PPP1R9A: variants seen among roughly 807,000 people sequenced by gnomAD.
The protein encoded by PPP1R9A is neurabin-1.
A neutral mutation model predicts 141.9 loss-of-function variants in PPP1R9A; 59 were observed. The ratio of observed to expected loss-of-function variants is 0.42; its 90% CI spans 0.34 to 0.52. The LOEUF (loss-of-function observed/expected upper bound fraction) is 0.52. PPP1R9A is among the 20% of genes least tolerant of loss of function. The probability of loss-of-function intolerance (pLI) is 0.10; values close to 1 mark genes in which losing one functional copy is unlikely to be tolerated. For missense variants in PPP1R9A, 1,444 were observed against 1,611.9 expected, an observed-to-expected ratio of 0.90 and a Z score of 1.78; for synonymous variants, 500 against 569.7, an observed-to-expected ratio of 0.88 and a Z score of 1.74.
At chr7:95,260,716 A>G (rs1232113337) in intron 12 of PPP1R9A, among the ~76,000 whole-genome samples, 1 of 151,644 alleles carries the variant, frequency 6.6e-6, no homozygotes, top group South Asian at 2.1e-4. Flanking sequence ...AGGAAACACA[A>G]TGTTACTTTG....
At chr7:95,285,549 C>T (rs898530686) in intron 17 of PPP1R9A, among the ~76,000 whole-genome samples, 1 of 152,186 alleles carries the variant, frequency 6.6e-6, no homozygotes, top group Non-Finnish European at 1.5e-5. Context: ...TTTACACGCT[C>T]CCACCTCCCC....
intron 3 of PPP1R9A, among the ~76,000 whole-genome samples, chr7:95,119,303 A>G (rs1822096422): frequency 6.6e-6 from 1 of 152,218 alleles, no homozygotes; most frequent in Admixed American, 6.5e-5. Flanking sequence ...ATTAAAAAAA[A>G]AAGTCACACA....
chr7:94,971,312 T>C (rs1317181944), intron 2 of PPP1R9A, among the ~76,000 whole-genome samples: 1 of 152,156 alleles, frequency 6.6e-6, no homozygotes, highest in Non-Finnish European at 1.5e-5. Context: ...AATGGGCAAA[T>C]GGCATTTTAT....
rs545669472 is a variant in PPP1R9A, at chr7:95,088,285, A to G, written c.1396-22974A>G. Among the ~76,000 whole-genome samples the G allele has an allele frequency of 5.9e-5, 9 of 152,164 alleles. No homozygotes were observed. The South Asian group carries it at 1.9e-3, about 32-fold the overall frequency. On this transcript the variant is annotated intron_variant, in intron 2 of 19. Transcript: ENST00000433360. ...CCTGGGAGAAGAGGAAAGAAACTCA[A>G]GCTTTTAAAGAAGGTGGAATATATT...
At chr7:95,245,394 T>G (rs1379805350) in intron 8 of PPP1R9A, among the ~76,000 whole-genome samples, 1 of 152,092 alleles carries the variant, frequency 6.6e-6, no homozygotes. Flanking sequence ...CAGGTTTTAG[T>G]TCTGGTTTTA....
At position 95,225,948 on chromosome 7, in the gene PPP1R9A, C is replaced by A. The variant is rs2152953316; in HGVS notation, c.1957-13C>A. 6.3e-7 allele frequency: 1 copy of A among 1,588,288 alleles called. No individual in the cohort carries two copies. Among genetic ancestry groups the A allele is most frequent in the African/African-American group, 1.3e-5 (1 of 74,598 alleles). ...TAAGGACAGCTGGATTTCTGAAATC[C>A]CCTTCCTTTCAGACAGGAGAATATG... On this transcript the variant is annotated splice_polypyrimidine_tract_variant and intron_variant, in intron 7 of 19. Transcript: ENST00000433360.
chr7:95,159,434 C>T (rs1183876173), intron 4 of PPP1R9A, among the ~76,000 whole-genome samples: 6 of 152,068 alleles, frequency 3.9e-5, no homozygotes, highest in African/African-American at 1.4e-4. Flanking sequence ...TAGTATTATA[C>T]TTCAAGTTCT....
chr7:95,029,856 G>A (rs561205608), intron 2 of PPP1R9A, among the ~76,000 whole-genome samples: 3 of 152,068 alleles, frequency 2.0e-5, no homozygotes, highest in Non-Finnish European at 4.4e-5. Flanking sequence ...ATACATTGCC[G>A]TTTTAGTTGG....
intron 2 of PPP1R9A, among the ~76,000 whole-genome samples, chr7:95,054,235 C>T (rs1387161694): frequency 6.6e-6 from 1 of 151,324 alleles, no homozygotes; most frequent in Non-Finnish European, 1.5e-5. Context: ...CCTGCCTTGG[C>T]CTCCCGAGTA....
At chr7:95,071,748 G>T (rs10241997) in intron 2 of PPP1R9A, among the ~76,000 whole-genome samples, 10,147 of 151,788 alleles carry the variant, frequency 0.067, 428 homozygotes, top group African/African-American at 0.12. Flanking sequence ...ATACATTAAG[G>T]TAATTATTTT....
chr7:95,003,219 A>T (rs573235201), intron 2 of PPP1R9A, among the ~76,000 whole-genome samples: 1 of 152,124 alleles, frequency 6.6e-6, no homozygotes, highest in Non-Finnish European at 1.5e-5. Flanking sequence ...TCCTGTTTTC[A>T]GTCATCAGAT....
chr7:95,113,992 A>G (rs776922229), intron 3 of PPP1R9A, among the ~76,000 whole-genome samples: 16 of 152,228 alleles, frequency 1.1e-4, no homozygotes, highest in Admixed American at 2.0e-4. Context: ...ATTAAAGAGT[A>G]ATGCTTACAT....
chr7:95,193,690 C>T (rs7796376), intron 5 of PPP1R9A, among the ~76,000 whole-genome samples: 1 of 151,866 alleles, frequency 6.6e-6, no homozygotes, highest in South Asian at 2.1e-4. Flanking sequence ...TATTATATAA[C>T]CTGTTATAAT....
chr7:95,240,576 G>C (rs945324565), intron 8 of PPP1R9A, among the ~76,000 whole-genome samples: 10 of 150,342 alleles, frequency 6.7e-5, no homozygotes, highest in Middle Eastern at 3.7e-3. Context: ...TTTTTTATTG[G>C]GTAAAATATA....
At chr7:95,167,601 T>C (rs1831458448) in intron 5 of PPP1R9A, among the ~76,000 whole-genome samples, 1 of 152,052 alleles carries the variant, frequency 6.6e-6, no homozygotes, top group African/African-American at 2.4e-5. Flanking sequence ...AAAGAGAATG[T>C]CAAACGGTCC....
chr7:95,195,130 TA>T (rs1836052115), intron 5 of PPP1R9A, among the ~76,000 whole-genome samples: 6 of 152,080 alleles, frequency 3.9e-5, no homozygotes, highest in Non-Finnish European at 7.4e-5. Context: ...ACTCCACCCT[TA>T]CCACACATCA....
At chr7:95,195,501 C>T (rs1424938539) in intron 5 of PPP1R9A, among the ~76,000 whole-genome samples, 1 of 149,174 alleles carries the variant, frequency 6.7e-6, no homozygotes, top group African/African-American at 2.5e-5. Context: ...TGATCTTGAA[C>T]TCCTGGGCTC....
intron 5 of PPP1R9A, among the ~76,000 whole-genome samples, chr7:95,182,312 C>G (rs573912714): frequency 1.3e-5 from 2 of 152,158 alleles, no homozygotes; most frequent in South Asian, 4.1e-4. Flanking sequence ...GCACTCCAGC[C>G]TGGGCAACAG....
At chr7:94,990,382 A>T (rs1801359755) in intron 2 of PPP1R9A, among the ~76,000 whole-genome samples, 1 of 152,092 alleles carries the variant, frequency 6.6e-6, no homozygotes, top group Non-Finnish European at 1.5e-5. Flanking sequence ...GAAAACATTA[A>T]ACAAGTGTGT....
Sources: allele counts gnomAD v4.1 joint callset (sites outside exome capture counted in the v4.1 genomes callset), GRCh38; gene constraint gnomAD v4.1.1; transcripts MANE v1.5; gene names NCBI Gene and HGNC (gene_info 2026-07-23, HGNC 2026-07-21).